The following GRM7 variants were observed in gnomAD, a reference collection of about 807,000 sequenced individuals.
GRM7 encodes metabotropic glutamate receptor 7.
A neutral mutation model predicts 84.5 loss-of-function variants in GRM7; 35 were observed. That is an observed-to-expected ratio of 0.41 (90% CI 0.32 to 0.55). The LOEUF (loss-of-function observed/expected upper bound fraction) is 0.55, where lower values mean the gene tolerates loss of function less well. GRM7 is among the 20% of genes least tolerant of loss of function. GRM7 has a pLI of 0.19. For synonymous variants in GRM7, 487 were observed against 455.1 expected (o/e 1.07, Z -0.89); for missense variants, 1,003 against 1,194.6 (o/e 0.84, Z 2.36).
chr3:6,861,962 C>T lies in GRM7; in HGVS notation c.519+55C>T, dbSNP rs1694769713. ...ACACAGTGGCTACCTGCGCCCTTAA[C>T]CCTAAAAGCTGGCTTGGACTCCGGT... On this transcript the variant is annotated intron_variant, in intron 1 of 9. Coordinates refer to ENST00000357716, the MANE Select transcript of GRM7 (RefSeq NM_000844.4). The surrounding 1 kb of genome is among the most constrained non-coding windows in gnomAD (Gnocchi z 6.4). 2.0e-6 allele frequency: 3 copies of T among 1,473,184 alleles called. No homozygotes were observed. The highest frequency in any genetic ancestry group is 2.8e-6 in the Non-Finnish European group (3 of 1,078,922). The allele number at this position is 1,473,184 out of a possible 1,614,324, so 91.3% of individuals were successfully genotyped here. A position where few individuals can be genotyped will look rare whatever the true frequency, so the allele number is the denominator to read the frequency against.
intron 2 of GRM7, among the ~76,000 whole-genome samples, chr3:7,272,095 A>G (rs1441243235): frequency 6.6e-6 from 1 of 152,048 alleles, no homozygotes. Context: ...TTACTTTTCA[A>G]CTTCATCTTA....
chr3:7,143,429 T>C (rs1361004386), intron 1 of GRM7, among the ~76,000 whole-genome samples: 1 of 152,164 alleles, frequency 6.6e-6, no homozygotes, highest in Non-Finnish European at 1.5e-5. Context: ...CTTGCATCAT[T>C]ATATTCATAG....
At chr3:7,693,739 GCC>G in intron 9 of GRM7, 1 of 1,105,152 alleles carries the variant, frequency 9.0e-7, no homozygotes, top group Non-Finnish European at 1.3e-6. Flanking sequence ...TTGCTACCCA[GCC>G]CACCAATGAA....
chr3:7,352,056 AC>A (rs1160181382), intron 4 of GRM7, among the ~76,000 whole-genome samples: 99 of 46,960 alleles, frequency 2.1e-3, no homozygotes, highest in African/African-American at 7.6e-3. Context: ...ACACACACAC[AC>A]CACACACACA....
At chr3:7,497,473 A>G (rs1699746621) in intron 7 of GRM7, among the ~76,000 whole-genome samples, 2 of 152,156 alleles carry the variant, frequency 1.3e-5, no homozygotes, top group African/African-American at 2.4e-5. Context: ...TACAGTCTCT[A>G]CCAACATGGG....
intron 1 of GRM7, among the ~76,000 whole-genome samples, chr3:7,116,985 A>G (rs1427047685): frequency 6.6e-6 from 1 of 152,172 alleles, no homozygotes; most frequent in Non-Finnish European, 1.5e-5. Context: ...ATTTTGACTC[A>G]GGCAATTTGA....
chr3:7,023,488 C>T (rs998839351), intron 1 of GRM7, among the ~76,000 whole-genome samples: 10 of 152,090 alleles, frequency 6.6e-5, no homozygotes, highest in African/African-American at 1.9e-4. Context: ...TGTGCCCCAA[C>T]ATAAGGGGCA....
intron 6 of GRM7, among the ~76,000 whole-genome samples, chr3:7,453,132 G>C (rs565928250): frequency 1.3e-5 from 2 of 151,466 alleles, no homozygotes; most frequent in South Asian, 4.2e-4. Context: ...AGGTACCTCT[G>C]AATATGGAAA....
In GRM7 at chr3:7,461,587, T is replaced by C. The variant is rs1480791709; in HGVS notation, c.1380T>C (p.Ser460=). 3 of 1,612,072 alleles carry C rather than the reference T, an allele frequency of 1.9e-6. No homozygotes were observed. Among genetic ancestry groups the C allele is most frequent in the Non-Finnish European group, 2.5e-6 (3 of 1,178,140 alleles). ...CATTTTTTCTGTCTTCCTTAGGTAG[T>C]GCTGGCACTCCAGTGATGTTTAACA... ...KYIRNVNFNG[S]AGTPVMFNKN... Residue 460 remains serine, a synonymous_variant, in exon 7 of 10, where the codon AGT becomes AGC. Coordinates refer to ENST00000357716, the MANE Select transcript of GRM7 (RefSeq NM_000844.4).
intron 8 of GRM7, among the ~76,000 whole-genome samples, chr3:7,586,323 T>C (rs1695514695): frequency 1.3e-5 from 2 of 152,232 alleles, no homozygotes; most frequent in African/African-American, 2.4e-5. Context: ...GCCATTCCTC[T>C]TATATATTTT....
At chr3:7,031,495 C>T (rs1696181157) in intron 1 of GRM7, among the ~76,000 whole-genome samples, 2 of 151,920 alleles carry the variant, frequency 1.3e-5, no homozygotes, top group African/African-American at 4.8e-5. Flanking sequence ...CGGCTCACTG[C>T]AAGCTCCGCC....
chr3:7,532,405 C>T (rs975299483), intron 7 of GRM7, among the ~76,000 whole-genome samples: 5 of 152,010 alleles, frequency 3.3e-5, no homozygotes, highest in Admixed American at 6.6e-5. Flanking sequence ...AGTTTATTTG[C>T]GTAGAGATGT....
Position 6,861,989 on chromosome 3 carries a change from G to C in GRM7, c.519+82G>C. ...CTAAAAGCTGGCTTGGACTCCGGTG[G>C]TGCGGGTCAGGTCAGCCTTCGCTCA... is the stretch of plus-strand genomic sequence containing the variant. On this transcript the variant is annotated intron_variant, in intron 1 of 9. Coordinates refer to ENST00000357716, the MANE Select transcript of GRM7 (RefSeq NM_000844.4). The surrounding 1 kb of genome is among the most constrained non-coding windows in gnomAD (Gnocchi z 6.4). 1 of 1,206,088 alleles carries C rather than the reference G, an allele frequency of 8.3e-7. No individual in the cohort carries two copies. Among genetic ancestry groups the C allele is most frequent in the East Asian group, 2.4e-5 (1 of 41,492 alleles). 74.7% of individuals were successfully genotyped at this position (1,206,088 alleles called of 1,614,324 possible). A position where few individuals can be genotyped will look rare whatever the true frequency, so the allele number is the denominator to read the frequency against.
chr3:7,479,850 T>G, intron 7 of GRM7, among the ~76,000 whole-genome samples: 1 of 152,118 alleles, frequency 6.6e-6, no homozygotes, highest in East Asian at 1.9e-4. Context: ...ACTCTCCATC[T>G]GTAACAGAAA....
intron 3 of GRM7, among the ~76,000 whole-genome samples, chr3:7,304,584 T>C (rs1038100400): frequency 1.3e-5 from 2 of 151,972 alleles, no homozygotes; most frequent in South Asian, 2.1e-4. Flanking sequence ...AAATGTTAGC[T>C]GGATATAGGT....
At chr3:7,514,791 G>C (rs68132669) in intron 7 of GRM7, among the ~76,000 whole-genome samples, 15,255 of 152,188 alleles carry the variant, frequency 0.1, 1,315 homozygotes, top group African/African-American at 0.23. Flanking sequence ...TCACAGTGAC[G>C]CACTGTGGAG....
intron 1 of GRM7, among the ~76,000 whole-genome samples, chr3:6,894,970 C>T (rs1450819821): frequency 6.6e-6 from 1 of 152,108 alleles, no homozygotes; most frequent in East Asian, 1.9e-4. Context: ...TGCTTTGATC[C>T]TATAACAAGT....
intron 1 of GRM7, among the ~76,000 whole-genome samples, chr3:7,108,622 A>C (rs74954434): frequency 1.5e-3 from 221 of 152,022 alleles, no homozygotes; most frequent in African/African-American, 5.0e-3. Flanking sequence ...TGGTTCAGTC[A>C]GTCCCCATTC....
chr3:7,571,916 T>G (rs1694682795), intron 7 of GRM7, among the ~76,000 whole-genome samples: 2 of 152,176 alleles, frequency 1.3e-5, no homozygotes, highest in Non-Finnish European at 2.9e-5. Flanking sequence ...ATGTCTTACA[T>G]GGATGGCAGC....
Sources: gnomAD v4.1 joint callset for allele counts (sites outside exome capture counted in the v4.1 genomes callset) on GRCh38, gnomAD v4.1.1 for gene constraint, Gnocchi (gnomAD v3.1) non-coding constraint, MANE v1.5 for transcripts, NCBI Gene and HGNC (gene_info 2026-07-23, HGNC 2026-07-21) for gene names.